Variants in MYO18B observed in about 807,000 individuals in gnomAD.
MYO18B encodes the protein myosin XVIIIB.
A neutral mutation model predicts 273.0 loss-of-function variants in MYO18B; 204 were observed. The observed-to-expected ratio is 0.75, with a 90% CI of 0.67 to 0.84. MYO18B has a LOEUF of 0.84. MYO18B is among the 40% of genes least tolerant of loss of function. The pLI is 0.00. For synonymous variants in MYO18B, 1,330 were observed against 1,305.7 expected (o/e 1.02, Z -0.40); for missense variants, 3,212 against 3,287.6 (o/e 0.98, Z 0.56).
intron 23 of MYO18B, 143 bp from the exon 24 acceptor site, chr22:25,876,046 A>T (rs9613030): frequency 7.4e-6 from 2 of 269,128 alleles, no homozygotes; most frequent in Non-Finnish European, 1.3e-5. Flanking sequence ...GTGTGTGTGT[A>T]TGTGTTTTAA....
chr22:26,055,409 G>C, the MYO18B span, among the ~76,000 whole-genome samples: 34 of 152,202 alleles, frequency 2.2e-4, no homozygotes, highest in Non-Finnish European at 4.7e-4. Flanking sequence ...ATTGAAGAGG[G>C]CCTGTCTACT....
chr22:25,895,549 C>A (rs770133478), intron 28 of MYO18B: 5 of 318,550 alleles, frequency 1.6e-5, no homozygotes, highest in Non-Finnish European at 2.3e-5. Context: ...AGTTCCAGTT[C>A]CATTTCTACG....
At chr22:25,751,298 G>A (rs1301124189) in intron 1 of MYO18B, among the ~76,000 whole-genome samples, 8 of 152,176 alleles carry the variant, frequency 5.3e-5, no homozygotes, top group African/African-American at 1.4e-4. Flanking sequence ...GTGTGACCTT[G>A]ATCCAATTTG....
chr22:25,878,658 G>A (rs1206339313), intron 25 of MYO18B, among the ~76,000 whole-genome samples: 1 of 152,216 alleles, frequency 6.6e-6, no homozygotes, highest in Non-Finnish European at 1.5e-5. Flanking sequence ...TTAGCAATTA[G>A]GAAGTGCAAA....
rs757686311 is a variant in MYO18B, at chr22:25,895,216, G to A, written c.4604G>A (p.Arg1535His). Reference protein sequence around the residue: ...AQMENEFLRKRLQQCEERLDS... With the variant: ...AQMENEFLRKHLQQCEERLDS... ...ATGGAGAACGAGTTCCTCAGAAAGCGTCTGCAGCAATGCGAGGAGAGGCTG... is the reference window on the plus strand; with the variant it reads ...ATGGAGAACGAGTTCCTCAGAAAGCATCTGCAGCAATGCGAGGAGAGGCTG... Residue 1535 changes from arginine (R) to histidine (H), a missense_variant, in exon 28 of 44, where the codon CGT (arginine) becomes CAT (histidine). By Grantham distance (29) the Arg-to-His change is conservative. Transcript: ENST00000335473. 52 of 1,610,444 alleles carry A rather than the reference G, an allele frequency of 3.2e-5. No homozygotes were observed. The highest frequency in any genetic ancestry group is 1.6e-4 in the East Asian group (7 of 44,790).
chr22:26,047,668 C>G, the MYO18B span, among the ~76,000 whole-genome samples: 1 of 151,920 alleles, frequency 6.6e-6, no homozygotes, highest in Non-Finnish European at 1.5e-5. Context: ...ATTACAAAGA[C>G]ATGATATAAA....
Position 25,867,692 on chromosome 22 carries a change from C to G in MYO18B, c.3886-628C>G, listed in dbSNP as rs2090929244. Among the ~76,000 whole-genome samples the G allele has an allele frequency of 2.0e-5, 3 of 152,224 alleles. No individual in the cohort carries two copies. In the South Asian group the frequency reaches 6.2e-4, roughly 32 times the overall value. On this transcript the variant is annotated intron_variant, in intron 21 of 43. Transcript: ENST00000335473. ...TTGCCCAGGCTGGAGTGCAGTGGTG[C>G]AGTCTCGGCTCACTGCAAGCTCCGC...
intron 34 of MYO18B, among the ~76,000 whole-genome samples, chr22:25,927,762 A>G (rs1156641360): frequency 1.3e-5 from 2 of 152,068 alleles, no homozygotes; most frequent in African/African-American, 2.4e-5. Flanking sequence ...TCTCCCCCGG[A>G]CACCCAGCTT....
chr22:25,861,715 C>G (rs970965207), intron 21 of MYO18B, among the ~76,000 whole-genome samples: 20 of 152,132 alleles, frequency 1.3e-4, no homozygotes, highest in African/African-American at 4.8e-4. Context: ...GTCCTATCCT[C>G]CTTCACTTCC....
At chr22:25,984,709 A>T (rs1337505289) in intron 39 of MYO18B, among the ~76,000 whole-genome samples, 1 of 152,002 alleles carries the variant, frequency 6.6e-6, no homozygotes, top group African/African-American at 2.4e-5. Flanking sequence ...AGATGGGAGG[A>T]TCACTTGAGC....
At chr22:25,795,617 A>G (rs1427805208) in intron 11 of MYO18B, among the ~76,000 whole-genome samples, 2 of 152,172 alleles carry the variant, frequency 1.3e-5, no homozygotes, top group African/African-American at 4.8e-5. Context: ...GTATGTTGCT[A>G]AGATGCCTTC....
Position 25,768,513 on chromosome 22 carries a change from T to C in MYO18B, c.597T>C (p.Pro199=), listed in dbSNP as rs760762845. The C allele has an allele frequency of 6.8e-5, 107 of 1,583,990 alleles. No individual in the cohort carries two copies. Among genetic ancestry groups the C allele is most frequent in the Non-Finnish European group, 8.7e-5 (102 of 1,166,160 alleles). The stretch of plus-strand genomic sequence containing the variant: ...AGAAAGGGGAGACCTCTAGGACTCC[T>C]TGTGGCTCCCAGGCCAGCACCGAGA... ...KEKKGETSRT[P]CGSQASTEIL... is the part of the protein sequence containing the mutation. The change falls in exon 4 of 44, where the codon CCT becomes CCC. Residue 199 remains proline, a synonymous_variant. Transcript: ENST00000335473.
At position 25,846,199 on chromosome 22, in the gene MYO18B, G is replaced by C. The variant is rs1187853062; in HGVS notation, c.3468G>C (p.Arg1156Ser). 6.2e-7 allele frequency: 1 copy of C among 1,612,528 alleles called. No individual in the cohort carries two copies. Among genetic ancestry groups the C allele is most frequent in the Non-Finnish European group, 8.5e-7 (1 of 1,179,774 alleles). ...GCACCTCCCAGCAGGCCCTGCAGAG[G>C]AGCCGCATGGTGAGGAGGACCTTTG... is the stretch of plus-strand genomic sequence containing the variant. ...LEGTSQQALQ[R>S]SRMVRRTFAS... Residue 1156 changes from arginine (R) to serine (S), a missense_variant, in exon 19 of 44, where the codon AGG becomes AGC. Physicochemically the swap from Arg to Ser is moderately radical, Grantham distance 110 (BLOSUM62 -1). Transcript: ENST00000335473.
chr22:25,880,617 A>G (rs541730914), intron 25 of MYO18B, among the ~76,000 whole-genome samples: 3 of 152,352 alleles, frequency 2.0e-5, no homozygotes, highest in African/African-American at 4.8e-5. Context: ...CAACAAATGT[A>G]TATGAACATC....
At chr22:25,860,906 C>T (rs1459520642) in intron 21 of MYO18B, among the ~76,000 whole-genome samples, 1 of 147,150 alleles carries the variant, frequency 6.8e-6, no homozygotes, top group Non-Finnish European at 1.5e-5. Context: ...TTTTTTGAGA[C>T]AGGGCAGGCT....
In MYO18B at chr22:25,876,097, C is replaced by G. The variant is rs558543928; in HGVS notation, c.4081-92C>G. ...CCACCGGGAAATAACCCCACTTCCTCCAGCCCCTTTGCTACCCTCTGCCTC... is the reference window on the plus strand; with the variant it reads ...CCACCGGGAAATAACCCCACTTCCTGCAGCCCCTTTGCTACCCTCTGCCTC... On this transcript the variant is annotated intron_variant, in intron 23 of 43. Coordinates refer to ENST00000335473, the MANE Select transcript of MYO18B (RefSeq NM_032608.7). 6.7e-6 allele frequency: 9 copies of G among 1,349,592 alleles called. No homozygotes were observed. In the African/African-American group the frequency reaches 1.3e-4, roughly 19 times the overall value. 83.6% of individuals were successfully genotyped at this position (1,349,592 alleles called of 1,614,324 possible). A position where few individuals can be genotyped will look rare whatever the true frequency, so the allele number is the denominator to read the frequency against.
chr22:25,868,135 T>C (rs553640890), intron 21 of MYO18B, among the ~76,000 whole-genome samples, 185 bp from the exon 22 acceptor site: 9 of 152,294 alleles, frequency 5.9e-5, no homozygotes, highest in East Asian at 1.9e-4. Context: ...GCAGAGTGGA[T>C]GGCACACAGT....
chr22:25,913,164 C>T (rs6004825), intron 33 of MYO18B, among the ~76,000 whole-genome samples: 62 of 152,210 alleles, frequency 4.1e-4, no homozygotes, highest in African/African-American at 1.4e-3. Flanking sequence ...TTAAATATCG[C>T]TCAGATTATT....
At chr22:25,947,686 C>G (rs1343677941) in intron 35 of MYO18B, 26 bp from the exon 36 acceptor site, 5 of 1,594,092 alleles carry the variant, frequency 3.1e-6, no homozygotes, top group Non-Finnish European at 4.3e-6. Context: ...CTCACCTTGC[C>G]TTGACCACTG....
Sources: gnomAD v4.1 joint callset for allele counts (sites outside exome capture counted in the v4.1 genomes callset) on GRCh38, gnomAD v4.1.1 for gene constraint, MANE v1.5 for transcripts, NCBI Gene and HGNC (gene_info 2026-07-23, HGNC 2026-07-21) for gene names.